Variants in RNF13 observed in about 807,000 individuals in gnomAD.
RNF13 encodes E3 ubiquitin-protein ligase RNF13.
Under a neutral mutation model 37.7 loss-of-function variants are expected in RNF13, and 19 were observed. That is an observed-to-expected ratio of 0.50 (90% CI 0.35 to 0.74). RNF13 has a LOEUF of 0.74. RNF13 is among the 30% of genes least tolerant of loss of function. RNF13 has a pLI of 0.01. For missense variants in RNF13, 375 were observed against 453.0 expected, an observed-to-expected ratio of 0.83 and a Z score of 1.56; for synonymous variants, 144 against 157.8, an observed-to-expected ratio of 0.91 and a Z score of 0.65.
chr3:149,855,034 C>T (rs1218449871), intron 3 of RNF13, among the ~76,000 whole-genome samples: 2 of 152,148 alleles, frequency 1.3e-5, no homozygotes, highest in Non-Finnish European at 2.9e-5. Context: ...AATTACCCTG[C>T]AAGGCTGGGC....
chr3:149,835,273 T>G (rs1041434815), intron 1 of RNF13, among the ~76,000 whole-genome samples: 1 of 152,212 alleles, frequency 6.6e-6, no homozygotes, highest in Non-Finnish European at 1.5e-5. Context: ...AAGGAATTGC[T>G]GTCTAGAATA....
At chr3:149,949,222 G>A (rs1017270517) in intron 8 of RNF13, among the ~76,000 whole-genome samples, 1 of 152,108 alleles carries the variant, frequency 6.6e-6, no homozygotes, top group African/African-American at 2.4e-5. Flanking sequence ...TATAGAATAA[G>A]TCTAGTGGTG....
intron 2 of RNF13, among the ~76,000 whole-genome samples, chr3:149,850,346 A>T (rs1474009503): frequency 1.3e-5 from 2 of 152,192 alleles, no homozygotes; most frequent in African/African-American, 4.8e-5. Flanking sequence ...CTCCCTCCTT[A>T]TACCAAAAAC....
chr3:149,953,477 TC>T (rs1721541813), intron 8 of RNF13, among the ~76,000 whole-genome samples: 1 of 152,234 alleles, frequency 6.6e-6, no homozygotes, highest in African/African-American at 2.4e-5. Flanking sequence ...ATGGTCTTCA[TC>T]CCTTCTTTGT....
At chr3:149,924,601 G>A (rs1718459458) in intron 8 of RNF13, among the ~76,000 whole-genome samples, 1 of 152,170 alleles carries the variant, frequency 6.6e-6, no homozygotes, top group Admixed American at 6.5e-5. Context: ...AGTAAGATGA[G>A]AGCTCAGTAT....
At chr3:149,948,834 C>T (rs1440110652) in intron 8 of RNF13, among the ~76,000 whole-genome samples, 1 of 152,180 alleles carries the variant, frequency 6.6e-6, no homozygotes, top group Non-Finnish European at 1.5e-5. Flanking sequence ...TGAGACCAGC[C>T]TGGGCAAAAT....
intron 8 of RNF13, among the ~76,000 whole-genome samples, chr3:149,948,323 AATCAATGTCTTGGT>A (rs1435256828): frequency 1.3e-5 from 2 of 152,124 alleles, no homozygotes; most frequent in African/African-American, 2.4e-5. Flanking sequence ...TTAGCCATTC[AATCAATGTCTTGGT>A]ATGTTTGATC....
At chr3:149,832,842 A>G (rs1286420483) in intron 1 of RNF13, among the ~76,000 whole-genome samples, 4 of 152,184 alleles carry the variant, frequency 2.6e-5, no homozygotes, top group African/African-American at 9.6e-5. Context: ...GAAAAAATAG[A>G]AAGCTTGCAC....
intron 2 of RNF13, among the ~76,000 whole-genome samples, chr3:149,852,056 T>A (rs1239020886): frequency 6.6e-6 from 1 of 152,194 alleles, no homozygotes; most frequent in African/African-American, 2.4e-5. Flanking sequence ...TATACAAAAT[T>A]GACATGCCTT....
chr3:149,880,872 C>CTATCTATA (rs912282203), intron 4 of RNF13, among the ~76,000 whole-genome samples: 17 of 152,062 alleles, frequency 1.1e-4, no homozygotes, highest in Non-Finnish European at 2.4e-4. Context: ...ATATTAAAAA[C>CTATCTATA]TATCTATATG....
chr3:149,831,865 T>A (rs1721089089), intron 1 of RNF13, among the ~76,000 whole-genome samples: 1 of 152,168 alleles, frequency 6.6e-6, no homozygotes, highest in Admixed American at 6.6e-5. Context: ...AAGTTATTGA[T>A]ATATTTAGGT....
At chr3:149,869,953 G>C (rs1711821239) in intron 3 of RNF13, among the ~76,000 whole-genome samples, 1 of 151,802 alleles carries the variant, frequency 6.6e-6, no homozygotes, top group Non-Finnish European at 1.5e-5. Context: ...ACTGTGGGAA[G>C]GCTGACTGTG....
chr3:149,849,753 A>C (rs1401991634), intron 2 of RNF13, among the ~76,000 whole-genome samples: 1 of 152,210 alleles, frequency 6.6e-6, no homozygotes, highest in Non-Finnish European at 1.5e-5. Context: ...TGTTAGGATT[A>C]AATAAATTAT....
chr3:149,821,550 C>G (rs1719997369), intron 1 of RNF13, among the ~76,000 whole-genome samples: 2 of 151,996 alleles, frequency 1.3e-5, no homozygotes, highest in Non-Finnish European at 2.9e-5. Context: ...TTTTTATATA[C>G]TCCAGATACT....
At chr3:149,914,925 C>A (rs1018972557) in intron 7 of RNF13, among the ~76,000 whole-genome samples, 4 of 149,734 alleles carry the variant, frequency 2.7e-5, no homozygotes, top group African/African-American at 9.9e-5. Flanking sequence ...GCAACAAGAT[C>A]GAAACTCCAT....
intron 1 of RNF13, among the ~76,000 whole-genome samples, chr3:149,821,758 A>G (rs1720015571): frequency 6.6e-6 from 1 of 152,042 alleles, no homozygotes; most frequent in African/African-American, 2.4e-5. Context: ...GATTAACCCT[A>G]TGTTTTCTTC....
intron 2 of RNF13, among the ~76,000 whole-genome samples, chr3:149,852,127 A>G (rs758181777): frequency 6.6e-6 from 1 of 152,190 alleles, no homozygotes; most frequent in Non-Finnish European, 1.5e-5. Flanking sequence ...AGCTAGAGCC[A>G]GAAATGCTGT....
chr3:149,883,061 C>T (rs1713606219), intron 4 of RNF13, among the ~76,000 whole-genome samples: 1 of 152,132 alleles, frequency 6.6e-6, no homozygotes, highest in African/African-American at 2.4e-5. Flanking sequence ...AGTTACCACA[C>T]TTAAGAAATT....
At chr3:149,945,269 C>T (rs1462367252) in intron 8 of RNF13, among the ~76,000 whole-genome samples, 1 of 152,032 alleles carries the variant, frequency 6.6e-6, no homozygotes, top group Non-Finnish European at 1.5e-5. Context: ...GTTCTTTTGG[C>T]TTAGGATTGT....
Sources: allele counts gnomAD v4.1 joint callset (sites outside exome capture counted in the v4.1 genomes callset), GRCh38; gene constraint gnomAD v4.1.1; transcripts MANE v1.5; gene names NCBI Gene and HGNC (gene_info 2026-07-23, HGNC 2026-07-21).